DNAH7: variants seen among roughly 807,000 people sequenced by gnomAD.
The protein encoded by DNAH7 is dynein axonemal heavy chain 7, also known as axonemal beta dynein heavy chain 7.
In DNAH7, 397 loss-of-function variants were observed where a neutral mutation model predicts 444.6. That is an observed-to-expected ratio of 0.89 (90% CI 0.82 to 0.97). DNAH7 has a LOEUF of 0.97. Among genes scored for constraint, DNAH7 ranks in the 50% least tolerant of loss-of-function variants. The pLI is 0.00. For missense variants in DNAH7, 4,902 were observed against 4,800.8 expected (o/e 1.02, Z -0.62); for synonymous variants, 1,636 against 1,624.4 (o/e 1.01, Z -0.17).
chr2:195,744,660 C>A (rs913906413), intron 63 of DNAH7, among the ~76,000 whole-genome samples: 1 of 152,168 alleles, frequency 6.6e-6, no homozygotes, highest in African/African-American at 2.4e-5. Context: ...GACAAAACTT[C>A]CAGAGGAACA....
At chr2:195,793,189 A>C (rs889913181) in intron 57 of DNAH7, among the ~76,000 whole-genome samples, 1 of 152,194 alleles carries the variant, frequency 6.6e-6, no homozygotes, top group Admixed American at 6.5e-5. Context: ...CTCTTGCCTC[A>C]GCCTCCCAAG....
intron 15 of DNAH7, among the ~76,000 whole-genome samples, chr2:195,976,505 C>G (rs1219266987): frequency 6.6e-6 from 1 of 152,096 alleles, no homozygotes. Flanking sequence ...ACTCACTGAC[C>G]TGAAGGGAGG....
chr2:195,846,463 A>T (rs887806738), intron 46 of DNAH7, among the ~76,000 whole-genome samples: 3 of 152,222 alleles, frequency 2.0e-5, no homozygotes, highest in African/African-American at 2.4e-5. Flanking sequence ...TTTCTCAAAG[A>T]ACCTAGAACT....
chr2:195,852,463 C>T (rs1164884940), intron 46 of DNAH7, among the ~76,000 whole-genome samples: 1 of 152,128 alleles, frequency 6.6e-6, no homozygotes, highest in Admixed American at 6.5e-5. Context: ...TTCTGAATTC[C>T]TCCCTTCTTT....
At chr2:195,965,838 AT>A (rs1415119537) in intron 17 of DNAH7, among the ~76,000 whole-genome samples, 1 of 151,920 alleles carries the variant, frequency 6.6e-6, no homozygotes. Context: ...GATTTTACTC[AT>A]TTGGGTCTTC....
intron 19 of DNAH7, among the ~76,000 whole-genome samples, chr2:195,956,678 A>G (rs1347978635): frequency 6.6e-6 from 1 of 151,900 alleles, no homozygotes; most frequent in Non-Finnish European, 1.5e-5. Context: ...TTCTGAATTG[A>G]ACAAAAAACG....
At chr2:196,010,149 CTCTT>C (rs1440954180) in intron 10 of DNAH7, among the ~76,000 whole-genome samples, 1 of 150,936 alleles carries the variant, frequency 6.6e-6, no homozygotes, top group Non-Finnish European at 1.5e-5. Flanking sequence ...TTCTTTCTCT[CTCTT>C]TTTTTTTTTT....
At chr2:195,762,368 A>T (rs1694385780) in intron 61 of DNAH7, among the ~76,000 whole-genome samples, 1 of 152,058 alleles carries the variant, frequency 6.6e-6, no homozygotes, top group Admixed American at 6.6e-5. Context: ...GGGAGTAAGT[A>T]CTTACTTATC....
At chr2:195,999,351 C>T in intron 12 of DNAH7, 1 of 629,136 alleles carries the variant, frequency 1.6e-6, no homozygotes, top group Non-Finnish European at 2.9e-6. Flanking sequence ...TCTTTGAAAT[C>T]ATTAAGCAAG....
intron 40 of DNAH7, among the ~76,000 whole-genome samples, chr2:195,870,361 G>A (rs921234368): frequency 1.3e-5 from 2 of 152,060 alleles, no homozygotes; most frequent in Non-Finnish European, 2.9e-5. Flanking sequence ...GCATGAAAAG[G>A]GGGTATTTCA....
intron 1 of DNAH7, among the ~76,000 whole-genome samples, chr2:196,061,801 T>C (rs1472295741): frequency 6.6e-6 from 1 of 152,202 alleles, no homozygotes; most frequent in African/African-American, 2.4e-5. Flanking sequence ...GTCCATTACA[T>C]ACCTGAATCT....
At chr2:195,809,972 C>T in intron 51 of DNAH7, 101 bp from the exon 52 acceptor site, 1 of 920,698 alleles carries the variant, frequency 1.1e-6, no homozygotes, top group East Asian at 3.9e-5. Context: ...ACTTTCTGGT[C>T]AATTACCCCC....
At position 195,799,157 on chromosome 2, in the gene DNAH7, T is replaced by G. The variant is rs139192953; in HGVS notation, c.10353+139A>C. On this transcript the variant is annotated intron_variant, in intron 55 of 64. Coordinates refer to ENST00000312428, the MANE Select transcript of DNAH7 (RefSeq NM_018897.3). ...GTGCTGCCATTTTAGTATCATTTTC[T>G]TGGGATTCTGTCAACTTGTGATAAC... 288 of 676,056 alleles carry G rather than the reference T, an allele frequency of 4.3e-4. No homozygotes were observed. The African/African-American group carries it at 4.6e-3, about 11-fold the overall frequency. The allele number at this position is 676,056 out of a possible 1,614,324, so 41.9% of individuals were successfully genotyped here.
At chr2:195,743,193 C>T (rs904094140) in intron 63 of DNAH7, among the ~76,000 whole-genome samples, 7 of 152,192 alleles carry the variant, frequency 4.6e-5, no homozygotes, top group South Asian at 2.1e-4. Context: ...CTTGGGCCTG[C>T]GGCCACAGAC....
chr2:195,962,686 T>C (rs1288050755), intron 17 of DNAH7, among the ~76,000 whole-genome samples: 4 of 152,306 alleles, frequency 2.6e-5, no homozygotes, highest in African/African-American at 9.6e-5. Flanking sequence ...AATTAAATTA[T>C]TGTTGACAAA....
intron 5 of DNAH7, among the ~76,000 whole-genome samples, chr2:196,044,621 T>C: frequency 6.6e-6 from 1 of 152,304 alleles, no homozygotes; most frequent in South Asian, 2.1e-4. Flanking sequence ...TAATCATTAA[T>C]ATTTTTCAAT....
In DNAH7 at chr2:195,871,918, G is replaced by A. The variant is rs1471359958; in HGVS notation, c.6633+332C>T. On this transcript the variant is annotated intron_variant, in intron 40 of 64. Transcript: ENST00000312428. ...TGCACTCCAGCCTGGGCGACAGAGC[G>A]AGACTCCGTCTCAAAAAAAAAAAAA... is the stretch of plus-strand genomic sequence containing the variant. 1.7e-4 allele frequency among the ~76,000 whole-genome samples: 8 copies of A among 47,954 alleles called. 2 individuals are homozygous for A. The highest frequency in any genetic ancestry group is 2.4e-4 in the Non-Finnish European group (8 of 33,750). The allele number at this position is 47,954 out of a possible 152,430, so 31.5% of individuals were successfully genotyped here.
chr2:195,766,936 T>C (rs752121971), intron 61 of DNAH7, among the ~76,000 whole-genome samples: 14 of 152,156 alleles, frequency 9.2e-5, no homozygotes, highest in Non-Finnish European at 1.8e-4. Context: ...TTTCCATTGT[T>C]GATATTAGTT....
chr2:195,935,922 T>C (rs559157321), intron 20 of DNAH7, among the ~76,000 whole-genome samples: 1 of 152,176 alleles, frequency 6.6e-6, no homozygotes, highest in South Asian at 2.1e-4. Flanking sequence ...GTGGGCTGCA[T>C]GCAGAGTGAG....
Sources: gnomAD v4.1 joint callset for allele counts (sites outside exome capture counted in the v4.1 genomes callset) on GRCh38, gnomAD v4.1.1 for gene constraint, MANE v1.5 for transcripts, NCBI Gene and HGNC (gene_info 2026-07-23, HGNC 2026-07-21) for gene names.